The following CCDC102B variants were observed in gnomAD, a reference collection of about 807,000 sequenced individuals.
CCDC102B encodes coiled-coil domain containing 102B, also known as coiled-coil domain-containing protein 102B.
A neutral mutation model predicts 57.4 loss-of-function variants in CCDC102B; 75 were observed. That is an observed-to-expected ratio of 1.31 (90% CI 1.08 to 1.58). The LOEUF (loss-of-function observed/expected upper bound fraction) is 1.58, where lower values mean the gene tolerates loss of function less well. CCDC102B is among the 40% of genes most tolerant of loss of function. The pLI is 0.00. For synonymous variants in CCDC102B, 206 were observed against 201.9 expected, an observed-to-expected ratio of 1.02 and a Z score of -0.17; for missense variants, 636 against 582.6, an observed-to-expected ratio of 1.09 and a Z score of -0.94.
chr18:68,718,444 G>A (rs374223104), intron 2 of CCDC102B, among the ~76,000 whole-genome samples: 13 of 152,286 alleles, frequency 8.5e-5, no homozygotes, highest in South Asian at 2.1e-4. Flanking sequence ...TTTTATTTAC[G>A]TAAGCTCAAA....
upstream of CCDC102B, among the ~76,000 whole-genome samples, chr18:68,793,436 T>C (rs1568253428): frequency 1.3e-5 from 2 of 152,194 alleles, no homozygotes; most frequent in Non-Finnish European, 2.9e-5. Context: ...ATTCTTTCAA[T>C]TTATAAAAGT....
intron 4 of CCDC102B, among the ~76,000 whole-genome samples, chr18:68,850,405 A>G (rs574386470): frequency 1.3e-5 from 2 of 152,122 alleles, no homozygotes; most frequent in African/African-American, 2.4e-5. Context: ...ACTCTGTCCT[A>G]TGTCCTTGAG....
intron 2 of CCDC102B, among the ~76,000 whole-genome samples, chr18:68,758,056 G>A (rs1159063345): frequency 6.6e-6 from 1 of 151,880 alleles, no homozygotes; most frequent in Non-Finnish European, 1.5e-5. Context: ...TATATTACAA[G>A]CTATTCTTCT....
intron 6 of CCDC102B, among the ~76,000 whole-genome samples, chr18:68,906,846 T>TG (rs1425771179): frequency 6.6e-6 from 1 of 151,412 alleles, no homozygotes; most frequent in African/African-American, 2.4e-5. Context: ...TTTTTTTTTT[T>TG]TTTGTCATTT....
chr18:68,910,128 A>G (rs930283898), intron 6 of CCDC102B, among the ~76,000 whole-genome samples: 2 of 152,154 alleles, frequency 1.3e-5, no homozygotes, highest in African/African-American at 4.8e-5. Context: ...CACCGTGTCT[A>G]CTAAAAATAT....
Position 69,010,968 on chromosome 18 carries a change from T to A in CCDC102B, c.1298T>A (p.Leu433Gln). 6.2e-7 allele frequency: 1 copy of A among 1,610,686 alleles called. No homozygotes were observed. Among genetic ancestry groups the A allele is most frequent in the South Asian group, 1.1e-5 (1 of 90,546 alleles). ...LLNLQHAYYK[L>Q]NRQYQANIAE... is the part of the protein sequence containing the mutation. ...AACCTTCAACATGCCTACTATAAAC[T>A]AAACAGACAATACCAGGCAAATATT... The change falls in exon 7 of 8, where the codon CTA becomes CAA. Residue 433 changes from leucine (L) to glutamine (Q), a missense_variant. Transcript: ENST00000360242.
At chr18:68,787,530 T>C (rs979971409) in intron 2 of CCDC102B, among the ~76,000 whole-genome samples, 21 of 151,532 alleles carry the variant, frequency 1.4e-4, no homozygotes, top group Non-Finnish European at 2.5e-4. Context: ...TATTCAGAGA[T>C]TCAACTTCTT....
At chr18:68,991,685 A>G (rs1349816476) in intron 6 of CCDC102B, among the ~76,000 whole-genome samples, 1 of 152,234 alleles carries the variant, frequency 6.6e-6, no homozygotes, top group Non-Finnish European at 1.5e-5. Flanking sequence ...TATATTTGTT[A>G]GAGTTGTGAT....
intron 1 of CCDC102B, 50 bp from the exon 2 acceptor site, chr18:68,836,699 A>G: frequency 5.3e-6 from 7 of 1,309,632 alleles, no homozygotes; most frequent in Non-Finnish European, 7.2e-6. Context: ...TTGTTCCTGT[A>G]TTTACAAGGG....
intron 4 of CCDC102B, among the ~76,000 whole-genome samples, chr18:68,854,720 C>T (rs1304576566): frequency 6.6e-6 from 1 of 152,052 alleles, no homozygotes; most frequent in Non-Finnish European, 1.5e-5. Context: ...GCTCCTGCTA[C>T]CTCGGGATCT....
At chr18:68,715,322 C>T in exon 1 of CCDC102B, 1 of 1,083,612 alleles carries the variant, frequency 9.2e-7, no homozygotes, top group Non-Finnish European at 1.2e-6. Flanking sequence ...GGCGCGTTTC[C>T]GGGAAGGTGA....
rs527997222 is a variant in CCDC102B at position 68,897,502 on chromosome 18, C to T, written c.1263+74C>T. The T allele has an allele frequency of 1.2e-4, 191 of 1,553,088 alleles. 1 individual carries two copies. In the East Asian group the frequency reaches 3.6e-3, roughly 30 times the overall value. On this transcript the variant is annotated intron_variant, in intron 6 of 7. Transcript: ENST00000360242. Reference sequence around the variant, plus strand: ...TGCCTACGCAGAGTCTGTCTTCACTCGTACACGCCTCCACATTTGGATATT... The same window carrying T: ...TGCCTACGCAGAGTCTGTCTTCACTTGTACACGCCTCCACATTTGGATATT...
rs571292807 is a variant in CCDC102B at position 68,924,641 on chromosome 18, G to A, written c.1263+27213G>A. Among the ~76,000 whole-genome samples, 5 of 152,184 alleles carry A rather than the reference G, an allele frequency of 3.3e-5. No homozygotes were observed. The South Asian group carries it at 1.0e-3, about 32-fold the overall frequency. On this transcript the variant is annotated intron_variant, in intron 6 of 7. Transcript: ENST00000360242. Reference sequence around the variant, plus strand: ...AACATTGAAATCCTCTGGATGCTCAGCTTTTCAGAAGAATTTCTATGTGAG... The same window carrying A: ...AACATTGAAATCCTCTGGATGCTCAACTTTTCAGAAGAATTTCTATGTGAG...
chr18:68,800,861 A>T (rs2035824023), intron 1 of CCDC102B, among the ~76,000 whole-genome samples: 1 of 152,168 alleles, frequency 6.6e-6, no homozygotes, highest in Non-Finnish European at 1.5e-5. Flanking sequence ...AAAGAATAGA[A>T]CTTATTTATT....
chr18:68,964,555 A>G (rs1190758819), intron 6 of CCDC102B, among the ~76,000 whole-genome samples: 1 of 151,860 alleles, frequency 6.6e-6, no homozygotes, highest in Non-Finnish European at 1.5e-5. Context: ...TATTGGTTAA[A>G]TTAATATAGC....
chr18:68,855,596 C>T (rs988499972), intron 4 of CCDC102B, among the ~76,000 whole-genome samples: 2 of 152,080 alleles, frequency 1.3e-5, no homozygotes, highest in Admixed American at 1.3e-4. Context: ...CCAAGAAGAA[C>T]TCAGTGTATA....
In CCDC102B at chr18:68,897,034, G is replaced by A. The variant is rs1041928314; in HGVS notation, c.1054-185G>A. Among the ~76,000 whole-genome samples, 4 of 152,000 alleles carry A rather than the reference G, an allele frequency of 2.6e-5. No individual in the cohort carries two copies. In the East Asian group the frequency reaches 5.8e-4, roughly 22 times the overall value. On this transcript the variant is annotated intron_variant, in intron 5 of 7. Transcript: ENST00000360242. ...CAAGAGGAAAAGTATATTTATCTAC[G>A]GTTTGGCCTGATCTTAGGATTTTTG... is the stretch of plus-strand genomic sequence containing the variant.
chr18:68,801,474 GTT>G (rs759818380), intron 1 of CCDC102B, among the ~76,000 whole-genome samples: 2 of 152,044 alleles, frequency 1.3e-5, no homozygotes, highest in Non-Finnish European at 2.9e-5. Flanking sequence ...AAGAATTGCT[GTT>G]GTGTGTCATA....
At chr18:69,006,412 T>G (rs190595857) in intron 6 of CCDC102B, among the ~76,000 whole-genome samples, 96 of 124,158 alleles carry the variant, frequency 7.7e-4, no homozygotes, top group Middle Eastern at 4.1e-3. Flanking sequence ...TTTATTTATT[T>G]ATTTATTTAT....
Sources: gnomAD v4.1 joint callset for allele counts (sites outside exome capture counted in the v4.1 genomes callset) on GRCh38, gnomAD v4.1.1 for gene constraint, MANE v1.5 for transcripts, NCBI Gene and HGNC (gene_info 2026-07-23, HGNC 2026-07-21) for gene names.